The following RANBP3L variants were observed in gnomAD, a reference collection of about 807,000 sequenced individuals.
RANBP3L encodes ran-binding protein 3-like.
A neutral mutation model predicts 67.2 loss-of-function variants in RANBP3L; 56 were observed. The ratio of observed to expected loss-of-function variants is 0.83; its 90% CI spans 0.67 to 1.04. RANBP3L has a LOEUF of 1.04. Among genes scored for constraint, RANBP3L ranks in the 50% least tolerant of loss-of-function variants. The pLI is 0.00. For synonymous variants in RANBP3L, 164 were observed against 181.4 expected, an observed-to-expected ratio of 0.90 and a Z score of 0.77; for missense variants, 496 against 535.5, an observed-to-expected ratio of 0.93 and a Z score of 0.73.
intron 1 of RANBP3L, among the ~76,000 whole-genome samples, chr5:36,277,438 ATATGTGTG>A (rs774018814): frequency 4.9e-4 from 40 of 82,256 alleles, no homozygotes; most frequent in Middle Eastern, 5.3e-3. Flanking sequence ...ATATATATAT[ATATGTGTG>A]TGTGTGTGTG....
intron 1 of RANBP3L, among the ~76,000 whole-genome samples, chr5:36,275,081 A>G (rs1022351405): frequency 6.6e-6 from 1 of 152,196 alleles, no homozygotes; most frequent in Non-Finnish European, 1.5e-5. Context: ...TACTTCATTA[A>G]GAGAAGACAT....
chr5:36,300,833 G>C (rs1266118384), intron 1 of RANBP3L, among the ~76,000 whole-genome samples: 1 of 152,154 alleles, frequency 6.6e-6, no homozygotes, highest in African/African-American at 2.4e-5. Context: ...ACTTTTCCCT[G>C]ACTGTCTCCA....
intron 4 of RANBP3L, chr5:36,268,320 T>C (rs1285087607): frequency 1.5e-6 from 2 of 1,332,782 alleles, no homozygotes; most frequent in Non-Finnish European, 2.0e-6. Context: ...TTTTGTTTTG[T>C]TTTCATTTGG....
chr5:36,262,579 G>A (rs1454708409), intron 6 of RANBP3L, among the ~76,000 whole-genome samples: 1 of 151,870 alleles, frequency 6.6e-6, no homozygotes, highest in Non-Finnish European at 1.5e-5. Flanking sequence ...ATATATAAAT[G>A]TAAGAGTGAG....
chr5:36,265,357 C>T, intron 5 of RANBP3L, 92 bp downstream of exon 5: 1 of 831,458 alleles, frequency 1.2e-6, no homozygotes, highest in South Asian at 1.8e-5. Flanking sequence ...GACCTACCTC[C>T]ATGCCCCCAA....
intron 7 of RANBP3L, among the ~76,000 whole-genome samples, chr5:36,261,713 A>G (rs1412059119): frequency 6.6e-6 from 1 of 152,180 alleles, no homozygotes; most frequent in East Asian, 1.9e-4. Flanking sequence ...GTTCTCACCC[A>G]AGTTAATGAA....
At position 36,255,674 on chromosome 5, in the gene RANBP3L, G is replaced by A. The variant is rs1748922754; in HGVS notation, c.904-84C>T. 1.2e-5 allele frequency: 10 copies of A among 856,458 alleles called. No homozygotes were observed. In the South Asian group the frequency reaches 1.4e-4, roughly 12 times the overall value. The allele number at this position is 856,458 out of a possible 1,614,324, so 53.1% of individuals were successfully genotyped here. A position where few individuals can be genotyped will look rare whatever the true frequency, so the allele number is the denominator to read the frequency against. On this transcript the variant is annotated intron_variant, in intron 10 of 13. Coordinates refer to ENST00000296604, the MANE Select transcript of RANBP3L (RefSeq NM_145000.5). ...TTCCTATGTTATGACACGTTTATAT[G>A]TGTCTAGTCTTTTACCAAAATAATC...
chr5:36,267,284 G>A (rs762161585), intron 4 of RANBP3L, among the ~76,000 whole-genome samples: 1 of 152,054 alleles, frequency 6.6e-6, no homozygotes, highest in African/African-American at 2.4e-5. Context: ...CGAGGTGGGC[G>A]GATCACGAGG....
intron 13 of RANBP3L, among the ~76,000 whole-genome samples, chr5:36,250,099 A>G (rs1021310691): frequency 2.0e-5 from 3 of 151,964 alleles, no homozygotes; most frequent in African/African-American, 7.2e-5. Context: ...AAAATGGAAT[A>G]TAACAGAATA....
intron 1 of RANBP3L, among the ~76,000 whole-genome samples, chr5:36,295,825 G>A (rs1278840873): frequency 6.6e-6 from 1 of 151,956 alleles, no homozygotes; most frequent in Non-Finnish European, 1.5e-5. Context: ...TCCTTACATA[G>A]TTCCAAGGAA....
rs1463533239 is a variant in RANBP3L, at chr5:36,295,678, T to TG, written c.91+5647_91+5648insC. Reference sequence around the variant, plus strand: ...ACCAACATTTGTTATATCCTGTTTTTTTTTTTTTTTTTTTCAAATAGTAGC... The same window carrying TG: ...ACCAACATTTGTTATATCCTGTTTTTGTTTTTTTTTTTTTTCAAATAGTAGC... On this transcript the variant is annotated intron_variant, in intron 1 of 13. Transcript: ENST00000296604. Among the ~76,000 whole-genome samples, 4 of 149,194 alleles carry TG rather than the reference T, an allele frequency of 2.7e-5. No homozygotes were observed. In the East Asian group the frequency reaches 7.7e-4, roughly 29 times the overall value.
intron 12 of RANBP3L, among the ~76,000 whole-genome samples, chr5:36,253,261 C>G (rs1433579665): frequency 6.6e-6 from 1 of 152,018 alleles, no homozygotes; most frequent in Non-Finnish European, 1.5e-5. Context: ...TTCCAGTGAC[C>G]TAAAGGCTTT....
chr5:36,275,429 C>A (rs1015424715), intron 1 of RANBP3L, among the ~76,000 whole-genome samples: 16 of 152,126 alleles, frequency 1.1e-4, no homozygotes, highest in African/African-American at 3.9e-4. Flanking sequence ...CATGTATTAT[C>A]CTATATGGCT....
At chr5:36,262,542 A>G (rs1051234956) in intron 6 of RANBP3L, among the ~76,000 whole-genome samples, 5 of 152,092 alleles carry the variant, frequency 3.3e-5, no homozygotes, top group African/African-American at 1.2e-4. Flanking sequence ...CCTTATGTAC[A>G]TATGTGTATG....
At chr5:36,288,762 T>C (rs1211687231) in intron 1 of RANBP3L, among the ~76,000 whole-genome samples, 1 of 152,188 alleles carries the variant, frequency 6.6e-6, no homozygotes, top group East Asian at 1.9e-4. Flanking sequence ...GCCATTTATA[T>C]ACTTTCTTTT....
rs534816079 is a variant in RANBP3L, at chr5:36,291,654, G to A, written c.91+9672C>T. On this transcript the variant is annotated intron_variant, in intron 1 of 13. Transcript: ENST00000296604. ...TATGAGTGAGAATATGTGGTGTTTGGTTTTTTGTTCTTGTGATAGTTTACT... is the reference window on the plus strand; with the variant it reads ...TATGAGTGAGAATATGTGGTGTTTGATTTTTTGTTCTTGTGATAGTTTACT... Among the ~76,000 whole-genome samples the A allele has an allele frequency of 2.4e-3, 364 of 151,080 alleles. 1 individual carries two copies. The highest frequency in any genetic ancestry group is 8.4e-3 in the African/African-American group (345 of 41,120).
At chr5:36,260,482 T>A (rs993668319) in intron 8 of RANBP3L, among the ~76,000 whole-genome samples, 12 of 152,086 alleles carry the variant, frequency 7.9e-5, no homozygotes, top group Non-Finnish European at 1.3e-4. Context: ...CTATTGCAGA[T>A]GATTCTGGGA....
At chr5:36,299,335 A>ATGTGTG (rs368964724) in intron 1 of RANBP3L, among the ~76,000 whole-genome samples, 1,590 of 145,324 alleles carry the variant, frequency 0.011, 29 homozygotes, top group African/African-American at 0.035. Context: ...ACATACATAT[A>ATGTGTG]TGTGTGTGTG....
At chr5:36,289,438 T>A (rs1422517601) in intron 1 of RANBP3L, among the ~76,000 whole-genome samples, 1 of 152,150 alleles carries the variant, frequency 6.6e-6, no homozygotes, top group African/African-American at 2.4e-5. Flanking sequence ...ACAAAAAATC[T>A]GCTGTAATTT....
Sources: gnomAD v4.1 joint callset for allele counts (sites outside exome capture counted in the v4.1 genomes callset) on GRCh38, gnomAD v4.1.1 for gene constraint, MANE v1.5 for transcripts, NCBI Gene and HGNC (gene_info 2026-07-23, HGNC 2026-07-21) for gene names.